The following KCTD20 variants were observed in gnomAD, a reference collection of about 807,000 sequenced individuals.
KCTD20 encodes BTB/POZ domain-containing protein KCTD20.
Under a neutral mutation model 39.6 loss-of-function variants are expected in KCTD20, and 30 were observed. The observed-to-expected ratio is 0.76, with a 90% CI of 0.57 to 1.03. KCTD20 has a LOEUF of 1.03. Ranked by LOEUF, KCTD20 falls within the 50% of genes least tolerant of loss-of-function variation. KCTD20 has a pLI of 0.00. For synonymous variants in KCTD20, 162 were observed against 180.6 expected (o/e 0.90, Z 0.83); for missense variants, 422 against 522.0 (o/e 0.81, Z 1.87).
chr6:36,485,629 G>A (rs989849579), intron 7 of KCTD20, among the ~76,000 whole-genome samples: 1 of 151,878 alleles, frequency 6.6e-6, no homozygotes, highest in African/African-American at 2.4e-5. Context: ...GAGTAGCTGG[G>A]ACTACAGGCA....
At chr6:36,458,304 C>A (rs963369540) in intron 1 of KCTD20, among the ~76,000 whole-genome samples, 1 of 151,440 alleles carries the variant, frequency 6.6e-6, no homozygotes, top group Non-Finnish European at 1.5e-5. Flanking sequence ...TTTGGGAGGC[C>A]GAGGTGGGCG....
intron 1 of KCTD20, chr6:36,451,472 TACTATTTCAC>T (rs1775253289): frequency 1.3e-5 from 2 of 152,282 alleles, no homozygotes; most frequent in Admixed American, 6.5e-5. Flanking sequence ...AATATATCAA[TACTATTTCAC>T]ACTATTTCAG....
Position 36,484,819 on chromosome 6 carries a change from T to C in KCTD20, c.962T>C (p.Ile321Thr). ...GGCCTAAAAAACATTCGCATTGGAA[T>C]TGAAGGTAAAAAAAAAAAAAAAATC... ...ERGLKNIRIG[I>T]EGYPTCKEKI... Residue 321 changes from isoleucine (I) to threonine (T), a missense_variant, in exon 7 of 8, where the codon ATT becomes ACT. Coordinates refer to ENST00000373731, the MANE Select transcript of KCTD20 (RefSeq NM_173562.5). 2 of 1,552,888 alleles carry C rather than the reference T, an allele frequency of 1.3e-6. No homozygotes were observed. The highest frequency in any genetic ancestry group is 1.8e-6 in the Non-Finnish European group (2 of 1,139,806).
At position 36,475,028 on chromosome 6, in the gene KCTD20, A is replaced by AT; in HGVS notation, c.404dup (p.Thr136HisfsTer25). ...CACACGTTTTGTTGTGAATCCACAG[A>AT]TTTTCACTGCTCATCCGGATACCAT... On this transcript the variant is annotated frameshift_variant, in exon 3 of 8. Coordinates refer to ENST00000373731, the MANE Select transcript of KCTD20 (RefSeq NM_173562.5). LOFTEE classifies it high-confidence loss of function. The AT allele has an allele frequency of 2.5e-6, 4 of 1,614,086 alleles. No individual in the cohort carries two copies. The highest frequency in any genetic ancestry group is 3.4e-6 in the Non-Finnish European group (4 of 1,180,008).
intron 1 of KCTD20, among the ~76,000 whole-genome samples, chr6:36,453,129 T>C (rs2127431261): frequency 6.9e-6 from 1 of 145,678 alleles, no homozygotes; most frequent in East Asian, 2.3e-4. Context: ...TGCCTCAGCC[T>C]CCCAAGTAGC....
intron 1 of KCTD20, among the ~76,000 whole-genome samples, chr6:36,449,117 G>T (rs553353790): frequency 2.6e-5 from 4 of 152,294 alleles, no homozygotes; most frequent in Non-Finnish European, 4.4e-5. Flanking sequence ...TGTGGAAGGG[G>T]TTCTGAGCGG....
chr6:36,464,174 G>T (rs1423060043), intron 1 of KCTD20, among the ~76,000 whole-genome samples: 1 of 152,110 alleles, frequency 6.6e-6, no homozygotes, highest in African/African-American at 2.4e-5. Flanking sequence ...AACTTAGTAG[G>T]TTTATTGTTA....
rs1364017868 is a variant in KCTD20, at chr6:36,488,367, G to A, written c.*1192G>A. On this transcript the variant is annotated 3_prime_UTR_variant, in exon 8 of 8. Transcript: ENST00000373731. The stretch of plus-strand genomic sequence containing the variant: ...ATTTGATCTATTAGCTCTGTTATCA[G>A]TGCATGATCACCCAGATCACCCTCC... The A allele has an allele frequency of 6.6e-6, 1 of 152,110 alleles. No individual in the cohort carries two copies. The highest frequency in any genetic ancestry group is 2.4e-5 in the African/African-American group (1 of 41,398). 9.4% of individuals were successfully genotyped at this position (152,110 alleles called of 1,614,324 possible).
At position 36,479,102 on chromosome 6, in the gene KCTD20, T is replaced by C. The variant is rs754242752; in HGVS notation, c.435-19T>C. Reference sequence around the variant, plus strand: ...AATCATGATGGAGAAGATAACATTATTGCCTGGATATCTTTCAGGATGTTT... The same window carrying C: ...AATCATGATGGAGAAGATAACATTACTGCCTGGATATCTTTCAGGATGTTT... On this transcript the variant is annotated intron_variant, in intron 3 of 7. Coordinates refer to ENST00000373731, the MANE Select transcript of KCTD20 (RefSeq NM_173562.5). The C allele has an allele frequency of 6.7e-7, 1 of 1,486,168 alleles. No individual in the cohort carries two copies. Among genetic ancestry groups the C allele is most frequent in the Non-Finnish European group, 9.4e-7 (1 of 1,065,454 alleles). 92.1% of individuals were successfully genotyped at this position (1,486,168 alleles called of 1,614,324 possible). A position where few individuals can be genotyped will look rare whatever the true frequency, so the allele number is the denominator to read the frequency against.
chr6:36,476,432 T>G (rs975004531), intron 3 of KCTD20, among the ~76,000 whole-genome samples: 1 of 151,072 alleles, frequency 6.6e-6, no homozygotes, highest in Non-Finnish European at 1.5e-5. Flanking sequence ...TGAACCATTT[T>G]TTTTTTTTTT....
chr6:36,484,639 G>C, intron 6 of KCTD20, 75 bp from the exon 7 acceptor site: 1 of 698,792 alleles, frequency 1.4e-6, no homozygotes, highest in Non-Finnish European at 2.5e-6. Flanking sequence ...TCCTTCATTA[G>C]TTTGATTTTG....
chr6:36,484,905 G>T, intron 7 of KCTD20, 81 bp downstream of exon 7: 1 of 747,698 alleles, frequency 1.3e-6, no homozygotes, highest in Non-Finnish European at 2.3e-6. Context: ...TTAGCCTCCA[G>T]AGGCCTAGAA....
In KCTD20 at chr6:36,487,386, T is replaced by G; in HGVS notation, c.*211T>G. ...CTCACTGGTAATTAGCTACCATCTT[T>G]GCAGCAGCCCTGGTAACTTGAAAAA... On this transcript the variant is annotated 3_prime_UTR_variant, in exon 8 of 8. Coordinates refer to ENST00000373731, the MANE Select transcript of KCTD20 (RefSeq NM_173562.5). The G allele has an allele frequency of 1.8e-6, 1 of 565,224 alleles. No individual in the cohort carries two copies. The highest frequency in any genetic ancestry group is 3.1e-6 in the Non-Finnish European group (1 of 324,100). 35.0% of individuals were successfully genotyped at this position (565,224 alleles called of 1,614,324 possible).
Position 36,443,071 on chromosome 6 carries a change from G to A in KCTD20, c.-87G>A, listed in dbSNP as rs1398132274. 1 of 151,840 alleles carries A rather than the reference G, an allele frequency of 6.6e-6. No homozygotes were observed. Among genetic ancestry groups the A allele is most frequent in the Non-Finnish European group, 1.5e-5 (1 of 67,948 alleles). The allele number at this position is 151,840 out of a possible 1,614,324, so 9.4% of individuals were successfully genotyped here. On this transcript the variant is annotated 5_prime_UTR_variant, in exon 1 of 8. Coordinates refer to ENST00000373731, the MANE Select transcript of KCTD20 (RefSeq NM_173562.5). ...GCGGCCTGCGCGCGCCTCCCGGGCG[G>A]ATTCCAGCCCCGAGCGGGACAGCGC...
intron 1 of KCTD20, among the ~76,000 whole-genome samples, chr6:36,448,166 A>G (rs1386979673): frequency 6.6e-6 from 1 of 152,032 alleles, no homozygotes; most frequent in Non-Finnish European, 1.5e-5. Context: ...TCCAGGTCAG[A>G]TGATTTGCTT....
intron 1 of KCTD20, among the ~76,000 whole-genome samples, chr6:36,448,286 T>G (rs906038274): frequency 3.3e-5 from 5 of 152,050 alleles, no homozygotes; most frequent in Admixed American, 6.6e-5. Context: ...AAATTTGAAT[T>G]TTATATGCTA....
At position 36,488,165 on chromosome 6, in the gene KCTD20, C is replaced by T. The variant is rs1312280081; in HGVS notation, c.*990C>T. 6.6e-6 allele frequency: 1 copy of T among 152,184 alleles called. No individual in the cohort carries two copies. The highest frequency in any genetic ancestry group is 1.5e-5 in the Non-Finnish European group (1 of 68,046). 9.4% of individuals were successfully genotyped at this position (152,184 alleles called of 1,614,324 possible). ...GGGTGGGAAGCATCATCTGCACAGT[C>T]CCTGTCCTAGTGCAGGACTTTTCTC... On this transcript the variant is annotated 3_prime_UTR_variant, in exon 8 of 8. Transcript: ENST00000373731.
chr6:36,461,636 A>C (rs181393921), intron 1 of KCTD20, among the ~76,000 whole-genome samples: 20 of 152,306 alleles, frequency 1.3e-4, no homozygotes, highest in African/African-American at 4.6e-4. Flanking sequence ...TATGTGCACA[A>C]AAGCTGTCTT....
In KCTD20 at chr6:36,469,974, T is replaced by C. The variant is rs970926948; in HGVS notation, c.-46-78T>C. 3.7e-5 allele frequency: 29 copies of C among 777,812 alleles called. No individual in the cohort carries two copies. Among genetic ancestry groups the C allele is most frequent in the South Asian group, 3.6e-5 (1 of 27,450 alleles). 48.2% of individuals were successfully genotyped at this position (777,812 alleles called of 1,614,324 possible). On this transcript the variant is annotated intron_variant, in intron 1 of 7. Transcript: ENST00000373731. This position sits in a 1 kb window ranked among gnomAD's most constrained non-coding sequence, Gnocchi z 4.6. ...ACAGGAATGCTAGCTGTCAGTTTTC[T>C]AGTTTTGCTTTCATACCATGGAATT...
Sources: allele counts gnomAD v4.1 joint callset (sites outside exome capture counted in the v4.1 genomes callset), GRCh38; gene constraint gnomAD v4.1.1; non-coding constraint Gnocchi (gnomAD v3.1); transcripts MANE v1.5; gene names NCBI Gene and HGNC (gene_info 2026-07-23, HGNC 2026-07-21).